Variants in RASSF3 observed in about 807,000 individuals in gnomAD.
RASSF3 encodes Ras association domain family member 3, also known as ras association domain-containing protein 3.
Under a neutral mutation model 19.9 loss-of-function variants are expected in RASSF3, and 19 were observed. The ratio of observed to expected loss-of-function variants is 0.96; its 90% CI spans 0.67 to 1.40. The LOEUF (loss-of-function observed/expected upper bound fraction) is 1.40, where lower values mean the gene tolerates loss of function less well. Ranked by LOEUF, RASSF3 falls within the 40% of genes most tolerant of loss-of-function variation. The probability of loss-of-function intolerance (pLI) is 0.00; values close to 1 mark genes in which losing one functional copy is unlikely to be tolerated. For synonymous variants in RASSF3, 110 were observed against 104.2 expected (o/e 1.06, Z -0.34); for missense variants, 306 against 289.8 (o/e 1.06, Z -0.41).
chr12:64,604,759 T>TC lies in RASSF3; in HGVS notation c.294+63057dup, dbSNP rs553705328. 7.3e-5 allele frequency among the ~76,000 whole-genome samples: 11 copies of TC among 151,650 alleles called. No individual in the cohort carries two copies. The South Asian group carries it at 2.3e-3, about 32-fold the overall frequency. ...TTCACGTCATTCTCCTGCCTCAGCC[T>TC]CCCGAGTAGCTGGGACTACAGGCGC... is the stretch of plus-strand genomic sequence containing the variant. On this transcript the variant is annotated intron_variant, in intron 2 of 5. Coordinates refer to the RASSF3 transcript ENST00000637125.
intron 2 of RASSF3, among the ~76,000 whole-genome samples, chr12:64,578,694 C>A (rs897146836): frequency 6.6e-6 from 1 of 152,128 alleles, no homozygotes; most frequent in Non-Finnish European, 1.5e-5. Flanking sequence ...TAAATAAATA[C>A]CCAAGGTCGT....
chr12:64,627,498 A>G (rs1871035916), intron 1 of RASSF3, among the ~76,000 whole-genome samples: 1 of 152,224 alleles, frequency 6.6e-6, no homozygotes, highest in Non-Finnish European at 1.5e-5. Flanking sequence ...TCACAAGGGC[A>G]GACCACATCT....
At chr12:64,550,399 C>T (rs2136120517) in intron 2 of RASSF3, among the ~76,000 whole-genome samples, 1 of 152,006 alleles carries the variant, frequency 6.6e-6, no homozygotes, top group Non-Finnish European at 1.5e-5. Context: ...GCACAGTGCC[C>T]CATGCCTGTA....
chr12:64,677,526 C>T (rs1872952727), intron 1 of RASSF3, among the ~76,000 whole-genome samples: 1 of 152,156 alleles, frequency 6.6e-6, no homozygotes, highest in South Asian at 2.1e-4. Context: ...CCTTCCGCCT[C>T]AGCTTCCCAA....
chr12:64,536,540 A>G (rs1868831066), intron 1 of RASSF3, among the ~76,000 whole-genome samples: 2 of 152,226 alleles, frequency 1.3e-5, no homozygotes, highest in African/African-American at 2.4e-5. Context: ...ATAGACACAC[A>G]TAAATAATAA....
rs140402298 is a variant in RASSF3 at position 64,671,008 on chromosome 12, T to C, written c.112-13779T>C. 7.9e-5 allele frequency among the ~76,000 whole-genome samples: 12 copies of C among 152,272 alleles called. No individual in the cohort carries two copies. In the East Asian group the frequency reaches 2.3e-3, roughly 29 times the overall value. On this transcript the variant is annotated intron_variant, in intron 1 of 4. Transcript: ENST00000542104. Reference sequence around the variant, plus strand: ...ATAGTATTACCCAATTCCAGGGTTATTGTAAGAATTCAGAGGCAAGTTGTG... The same window carrying C: ...ATAGTATTACCCAATTCCAGGGTTACTGTAAGAATTCAGAGGCAAGTTGTG...
At chr12:64,613,765 G>A (rs1035890909) in intron 1 of RASSF3, among the ~76,000 whole-genome samples, 2 of 151,904 alleles carry the variant, frequency 1.3e-5, no homozygotes, top group Non-Finnish European at 2.9e-5. Flanking sequence ...GGACAACATG[G>A]TGAAACCCTG....
At chr12:64,574,140 TA>T (rs879583167) in intron 2 of RASSF3, among the ~76,000 whole-genome samples, 531 of 140,012 alleles carry the variant, frequency 3.8e-3, no homozygotes, top group Middle Eastern at 3.6e-3. Context: ...CTGCCTCTAC[TA>T]AAAAAAAAAA....
chr12:64,556,530 C>T (rs952035565), intron 2 of RASSF3, among the ~76,000 whole-genome samples: 4 of 152,110 alleles, frequency 2.6e-5, no homozygotes, highest in Non-Finnish European at 5.9e-5. Flanking sequence ...AGGAATCGGC[C>T]TACATGAGTA....
Position 64,559,242 on chromosome 12 carries a change from T to TTTC in RASSF3, c.294+17539_294+17540insCTT, listed in dbSNP as rs1869305747. 3.3e-5 allele frequency among the ~76,000 whole-genome samples: 5 copies of TTTC among 150,028 alleles called. No individual in the cohort carries two copies. In the South Asian group the frequency reaches 6.3e-4, roughly 19 times the overall value. On this transcript the variant is annotated intron_variant, in intron 2 of 5. Transcript: ENST00000637125. The stretch of plus-strand genomic sequence containing the variant: ...GTGGGTCCATTTTCTTTTCTTCTTT[T>TTTC]TTTCTTTTTTTTTTTTTTTGAGGCG...
chr12:64,632,395 A>G (rs1189840762), intron 1 of RASSF3, among the ~76,000 whole-genome samples: 1 of 152,184 alleles, frequency 6.6e-6, no homozygotes, highest in East Asian at 1.9e-4. Context: ...GGTCAGACCT[A>G]TGATTTTAAA....
intron 1 of RASSF3, among the ~76,000 whole-genome samples, chr12:64,526,446 C>T (rs889854471): frequency 1.3e-5 from 2 of 152,098 alleles, no homozygotes; most frequent in African/African-American, 4.8e-5. Flanking sequence ...GTCCTTTGAC[C>T]AATATCTCCC....
intron 1 of RASSF3, among the ~76,000 whole-genome samples, chr12:64,615,264 T>C (rs1870513468): frequency 6.6e-6 from 1 of 152,248 alleles, no homozygotes; most frequent in African/African-American, 2.4e-5. Context: ...TGTCAGAGTG[T>C]GTCTTACCTC....
chr12:64,572,095 G>C (rs750780640), intron 2 of RASSF3, among the ~76,000 whole-genome samples: 5 of 151,986 alleles, frequency 3.3e-5, no homozygotes, highest in Non-Finnish European at 7.4e-5. Context: ...ACTGATCACA[G>C]TTTGTAATTG....
At chr12:64,545,746 G>C (rs936865082), downstream of RASSF3, among the ~76,000 whole-genome samples, 2 of 152,110 alleles carry the variant, frequency 1.3e-5, no homozygotes, top group African/African-American at 4.8e-5. Flanking sequence ...TCGCAATGTA[G>C]TGAGACCTCA....
chr12:64,668,277 T>C (rs1040297471), intron 1 of RASSF3, among the ~76,000 whole-genome samples: 2 of 90,344 alleles, frequency 2.2e-5, no homozygotes, highest in Admixed American at 1.1e-4. Flanking sequence ...TCTTCTTTTT[T>C]TTTTTTTCTC....
At chr12:64,630,169 C>G (rs985247221) in intron 1 of RASSF3, among the ~76,000 whole-genome samples, 1 of 151,918 alleles carries the variant, frequency 6.6e-6, no homozygotes, top group African/African-American at 2.4e-5. Context: ...ATTTTTCATT[C>G]ATCAAAAGGG....
In RASSF3 at chr12:64,590,005, A is replaced by G. The variant is rs905050405; in HGVS notation, c.294+48300A>G. ...TGACAGAGCAAGACTCGGTCTCAGG[A>G]AAAAAAAAAAAAAAAAAGAGTCTGA... On this transcript the variant is annotated intron_variant, in intron 2 of 5. Coordinates refer to the RASSF3 transcript ENST00000637125. Among the ~76,000 whole-genome samples the G allele has an allele frequency of 9.4e-5, 13 of 138,646 alleles. 1 individual carries two copies. The South Asian group carries it at 3.0e-3, about 32-fold the overall frequency. The allele number at this position is 138,646 out of a possible 152,430, so 91.0% of individuals were successfully genotyped here. A position where few individuals can be genotyped will look rare whatever the true frequency, so the allele number is the denominator to read the frequency against.
chr12:64,553,887 G>C (rs908764553), intron 2 of RASSF3, among the ~76,000 whole-genome samples: 2 of 151,618 alleles, frequency 1.3e-5, no homozygotes, highest in Non-Finnish European at 2.9e-5. Flanking sequence ...TGAGGTGGGA[G>C]GATTCCCTGA....
Sources: allele counts gnomAD v4.1 joint callset (sites outside exome capture counted in the v4.1 genomes callset), GRCh38; gene constraint gnomAD v4.1.1; transcripts MANE v1.5; gene names NCBI Gene and HGNC (gene_info 2026-07-23, HGNC 2026-07-21).